Variants in GOT1 observed in about 807,000 individuals in gnomAD.
The protein encoded by GOT1 is glutamic-oxaloacetic transaminase 1.
GOT1 carries 25 observed loss-of-function variants against 48.2 expected under a neutral mutation model. The ratio of observed to expected loss-of-function variants is 0.52; its 90% CI spans 0.38 to 0.72. The LOEUF is 0.72. Ranked by LOEUF, GOT1 falls within the 30% of genes least tolerant of loss-of-function variation. GOT1 has a pLI of 0.00. For synonymous variants in GOT1, 188 were observed against 193.8 expected, an observed-to-expected ratio of 0.97 and a Z score of 0.25; for missense variants, 380 against 520.1, an observed-to-expected ratio of 0.73 and a Z score of 2.62.
At chr10:99,426,419 A>G (rs1229617154) in intron 1 of GOT1, among the ~76,000 whole-genome samples, 1 of 152,218 alleles carries the variant, frequency 6.6e-6, no homozygotes, top group African/African-American at 2.4e-5. Context: ...CTATTAGGAT[A>G]CTGGGGAGAA....
intron 2 of GOT1, among the ~76,000 whole-genome samples, chr10:99,417,170 AATCTACTC>A (rs1367350293): frequency 1.3e-5 from 2 of 152,260 alleles, no homozygotes; most frequent in Non-Finnish European, 2.9e-5. Flanking sequence ...ACATTTTTGC[AATCTACTC>A]ATCTGACAAA....
At position 99,403,372 on chromosome 10, in the gene GOT1, C is replaced by T; in HGVS notation, c.959+97G>A. The stretch of plus-strand genomic sequence containing the variant: ...AAGTTAAAGTAATTTTATCCTGCTT[C>T]TGCCAAAATGAAAGGAAGAGACCCA... On this transcript the variant is annotated intron_variant, in intron 7 of 8. Coordinates refer to ENST00000370508, the MANE Select transcript of GOT1 (RefSeq NM_002079.3). The T allele has an allele frequency of 5.0e-6, 5 of 1,004,156 alleles. No homozygotes were observed. In the South Asian group the frequency reaches 6.7e-5, roughly 13 times the overall value. The allele number at this position is 1,004,156 out of a possible 1,614,324, so 62.2% of individuals were successfully genotyped here.
chr10:99,405,738 C>T lies in GOT1; in HGVS notation c.642+18G>A. The T allele has an allele frequency of 1.7e-6, 2 of 1,149,878 alleles. No individual in the cohort carries two copies. Among genetic ancestry groups the T allele is most frequent in the Non-Finnish European group, 2.6e-6 (2 of 755,666 alleles). 71.2% of individuals were successfully genotyped at this position (1,149,878 alleles called of 1,614,324 possible). A position where few individuals can be genotyped will look rare whatever the true frequency, so the allele number is the denominator to read the frequency against. On this transcript the variant is annotated intron_variant, in intron 5 of 8. Coordinates refer to ENST00000370508, the MANE Select transcript of GOT1 (RefSeq NM_002079.3). Reference sequence around the variant, plus strand: ...AATATATACTATTTTTTAAGAGATGCTCTGAAGGGGCAGTTACCTTCATGA... The same window carrying T: ...AATATATACTATTTTTTAAGAGATGTTCTGAAGGGGCAGTTACCTTCATGA...
At chr10:99,413,002 G>C (rs1046415851) in intron 2 of GOT1, among the ~76,000 whole-genome samples, 3 of 152,160 alleles carry the variant, frequency 2.0e-5, no homozygotes, top group African/African-American at 7.2e-5. Flanking sequence ...AAACAGAGCA[G>C]AAAAACTGAA....
At chr10:99,420,429 T>G (rs2032950817) in intron 2 of GOT1, 195 bp downstream of exon 2, 2 of 539,976 alleles carry the variant, frequency 3.7e-6, no homozygotes, top group South Asian at 2.6e-5. Context: ...TGGGCAAAAC[T>G]GAACAAGTGA....
intron 1 of GOT1, among the ~76,000 whole-genome samples, chr10:99,428,068 G>C (rs1442974775): frequency 6.6e-6 from 1 of 152,198 alleles, no homozygotes; most frequent in Non-Finnish European, 1.5e-5. Flanking sequence ...GGCCTGTGCT[G>C]TCGGGGTGCT....
In GOT1 at chr10:99,397,234, T is replaced by C. The variant is rs933156470; in HGVS notation, c.*313A>G. ...GAGTCAAACACCACATAGAAGCACGTGGCCGCCACACACAACACTCCTTTT... is the reference window on the plus strand; with the variant it reads ...GAGTCAAACACCACATAGAAGCACGCGGCCGCCACACACAACACTCCTTTT... On this transcript the variant is annotated 3_prime_UTR_variant, in exon 9 of 9. Transcript: ENST00000370508. This position sits in a 1 kb window ranked among gnomAD's most constrained non-coding sequence, Gnocchi z 5.4. 3.7e-6 allele frequency: 1 copy of C among 270,134 alleles called. No homozygotes were observed. 16.7% of individuals were successfully genotyped at this position (270,134 alleles called of 1,614,324 possible).
chr10:99,421,785 G>C (rs911250437), intron 1 of GOT1, among the ~76,000 whole-genome samples: 2 of 151,966 alleles, frequency 1.3e-5, no homozygotes, highest in African/African-American at 4.8e-5. Context: ...CTACACTTAC[G>C]CAAGTGATTT....
intron 1 of GOT1, chr10:99,430,198 G>C (rs188283681): frequency 9.8e-7 from 1 of 1,018,978 alleles, no homozygotes; most frequent in African/African-American, 1.6e-5. Flanking sequence ...CGGAAAGACT[G>C]AGTTTGTGTC....
At chr10:99,414,877 T>C (rs2032873561) in intron 2 of GOT1, among the ~76,000 whole-genome samples, 1 of 127,448 alleles carries the variant, frequency 7.8e-6, no homozygotes, top group East Asian at 2.4e-4. Flanking sequence ...GACATAAAGG[T>C]GTTCTTTGAA....
chr10:99,406,870 T>C, intron 2 of GOT1, 21 bp from the exon 3 acceptor site: 1 of 1,612,340 alleles, frequency 6.2e-7, no homozygotes, highest in Non-Finnish European at 8.5e-7. Context: ...AGAAACAGGG[T>C]CACAGGCTGA....
chr10:99,410,156 C>T (rs758970313), intron 2 of GOT1, among the ~76,000 whole-genome samples: 3 of 152,106 alleles, frequency 2.0e-5, no homozygotes, highest in Non-Finnish European at 4.4e-5. Flanking sequence ...AAGTTTTGCC[C>T]CCACATTGTG....
intron 2 of GOT1, among the ~76,000 whole-genome samples, chr10:99,407,513 A>G (rs1281152145): frequency 6.6e-6 from 1 of 151,640 alleles, no homozygotes; most frequent in Non-Finnish European, 1.5e-5. Flanking sequence ...GCTAACTGCA[A>G]CTTCCGCCTC....
intron 1 of GOT1, among the ~76,000 whole-genome samples, chr10:99,423,838 T>C (rs1026897412): frequency 6.6e-6 from 1 of 151,816 alleles, no homozygotes; most frequent in East Asian, 1.9e-4. Context: ...AAATTTTTCA[T>C]AGAAACAGGG....
At chr10:99,423,727 C>A (rs1175472951) in intron 1 of GOT1, among the ~76,000 whole-genome samples, 1 of 152,212 alleles carries the variant, frequency 6.6e-6, no homozygotes, top group East Asian at 1.9e-4. Flanking sequence ...CAGCTCACTG[C>A]AGCTTCAACC....
At chr10:99,420,904 C>A in intron 1 of GOT1, 99 bp from the exon 2 acceptor site, 1 of 945,930 alleles carries the variant, frequency 1.1e-6, no homozygotes, top group South Asian at 1.6e-5. Flanking sequence ...ACCTTCCGGT[C>A]AAAACAGAAC....
At chr10:99,412,726 C>T (rs1043015158) in intron 2 of GOT1, among the ~76,000 whole-genome samples, 9 of 152,090 alleles carry the variant, frequency 5.9e-5, no homozygotes, top group Admixed American at 3.3e-4. Flanking sequence ...CTCACATGGC[C>T]GGGTACCCCT....
chr10:99,415,515 A>G (rs1322405375), intron 2 of GOT1, among the ~76,000 whole-genome samples: 1 of 152,248 alleles, frequency 6.6e-6, no homozygotes, highest in Non-Finnish European at 1.5e-5. Context: ...CCAGAGATAC[A>G]AGGAGGAGCT....
chr10:99,418,053 A>T (rs1018818434), intron 2 of GOT1, among the ~76,000 whole-genome samples: 33 of 39,762 alleles, frequency 8.3e-4, no homozygotes, highest in Non-Finnish European at 4.4e-3. Flanking sequence ...AGTATAATTA[A>T]AAAAAAAAAT....
Sources: allele counts gnomAD v4.1 joint callset (sites outside exome capture counted in the v4.1 genomes callset), GRCh38; gene constraint gnomAD v4.1.1; non-coding constraint Gnocchi (gnomAD v3.1); transcripts MANE v1.5; gene names NCBI Gene and HGNC (gene_info 2026-07-23, HGNC 2026-07-21).